SEZ6L: variants seen among roughly 807,000 people sequenced by gnomAD.
The protein encoded by SEZ6L is seizure 6-like protein.
Under a neutral mutation model 106.2 loss-of-function variants are expected in SEZ6L, and 37 were observed. The ratio of observed to expected loss-of-function variants is 0.35; its 90% CI spans 0.27 to 0.46. SEZ6L has a LOEUF of 0.46. Ranked by LOEUF, SEZ6L falls within the 20% of genes least tolerant of loss-of-function variation. The probability of loss-of-function intolerance (pLI) is 1.00; values close to 1 mark genes in which losing one functional copy is unlikely to be tolerated. For synonymous variants in SEZ6L, 541 were observed against 570.4 expected (o/e 0.95, Z 0.73); for missense variants, 1,172 against 1,332.8 (o/e 0.88, Z 1.88).
chr22:26,331,637 G>A (rs1481879685), intron 9 of SEZ6L, among the ~76,000 whole-genome samples: 2 of 152,122 alleles, frequency 1.3e-5, no homozygotes, highest in African/African-American at 4.8e-5. Flanking sequence ...AAAACACAAA[G>A]AACATTCGTT....
chr22:26,343,403 T>C (rs544207952), intron 10 of SEZ6L, among the ~76,000 whole-genome samples: 1 of 152,234 alleles, frequency 6.6e-6, no homozygotes, highest in South Asian at 2.1e-4. Context: ...GTGTTCAGTT[T>C]GGCAATATCT....
At chr22:26,193,234 G>C (rs1007306213) in intron 1 of SEZ6L, among the ~76,000 whole-genome samples, 1 of 152,194 alleles carries the variant, frequency 6.6e-6, no homozygotes, top group African/African-American at 2.4e-5. Flanking sequence ...AATTCTCCAG[G>C]GAGAAAAACT....
intron 6 of SEZ6L, among the ~76,000 whole-genome samples, chr22:26,309,376 G>A (rs998789243): frequency 3.3e-5 from 5 of 152,306 alleles, no homozygotes; most frequent in African/African-American, 9.6e-5. Context: ...TCAGAACGAC[G>A]TTATGGTTGG....
chr22:26,297,583 A>G (rs563584859), intron 4 of SEZ6L, among the ~76,000 whole-genome samples: 28 of 152,326 alleles, frequency 1.8e-4, no homozygotes, highest in African/African-American at 6.7e-4. Flanking sequence ...AATTCAATAT[A>G]TAGATCCACT....
At chr22:26,248,530 A>G (rs940966002) in intron 1 of SEZ6L, among the ~76,000 whole-genome samples, 1 of 152,130 alleles carries the variant, frequency 6.6e-6, no homozygotes, top group Non-Finnish European at 1.5e-5. Flanking sequence ...TGATTGTTGT[A>G]ATGACCTCTT....
intron 1 of SEZ6L, among the ~76,000 whole-genome samples, chr22:26,184,228 T>C (rs996336296): frequency 2.6e-5 from 4 of 152,184 alleles, no homozygotes; most frequent in African/African-American, 7.2e-5. Context: ...TTTGCTATGA[T>C]TGAAACAAGG....
At chr22:26,285,817 T>C (rs1446864949) in intron 1 of SEZ6L, among the ~76,000 whole-genome samples, 1 of 152,244 alleles carries the variant, frequency 6.6e-6, no homozygotes, top group African/African-American at 2.4e-5. Context: ...TGATGTGCTC[T>C]GCTGTGGTTT....
chr22:26,253,740 T>C (rs1034773514), intron 1 of SEZ6L, among the ~76,000 whole-genome samples: 18 of 152,218 alleles, frequency 1.2e-4, no homozygotes, highest in Admixed American at 1.0e-3. Flanking sequence ...GGTGCTTAGG[T>C]TCCTGTGTAT....
intron 9 of SEZ6L, among the ~76,000 whole-genome samples, chr22:26,334,948 C>T (rs954076305): frequency 9.2e-5 from 14 of 152,200 alleles, no homozygotes; most frequent in African/African-American, 3.4e-4. Context: ...GTCAAACTGC[C>T]ATCCCGTTTT....
intron 1 of SEZ6L, among the ~76,000 whole-genome samples, chr22:26,277,980 A>G (rs2080607657): frequency 6.6e-6 from 1 of 152,242 alleles, no homozygotes; most frequent in Non-Finnish European, 1.5e-5. Context: ...AATGCTGGGT[A>G]TCTTAGAAGA....
In SEZ6L at chr22:26,216,998, A is replaced by T. The variant is rs1433219351; in HGVS notation, c.94+47235A>T. 2.6e-5 allele frequency among the ~76,000 whole-genome samples: 4 copies of T among 152,122 alleles called. No homozygotes were observed. The East Asian group carries it at 7.7e-4, about 29-fold the overall frequency. ...GCTCTTAACCACTGGGCTCTCCTGC[A>T]CCCCTGAGGATTAAATGGGAATAAC... On this transcript the variant is annotated intron_variant, in intron 1 of 16. Coordinates refer to ENST00000248933, the MANE Select transcript of SEZ6L (RefSeq NM_021115.5).
intron 10 of SEZ6L, 80 bp from the exon 11 acceptor site, chr22:26,347,639 C>T (rs2083053188): frequency 1.7e-6 from 2 of 1,204,998 alleles, no homozygotes. Flanking sequence ...TCTCTTCGCT[C>T]ATCCCTCTAG....
intron 1 of SEZ6L, among the ~76,000 whole-genome samples, chr22:26,247,757 T>G (rs1342041604): frequency 1.3e-5 from 2 of 152,222 alleles, no homozygotes; most frequent in African/African-American, 4.8e-5. Context: ...TCTCGGAAAC[T>G]AATATACCCT....
chr22:26,232,552 A>G (rs1198973929), intron 1 of SEZ6L, among the ~76,000 whole-genome samples: 1 of 152,174 alleles, frequency 6.6e-6, no homozygotes, highest in Non-Finnish European at 1.5e-5. Context: ...TCACATTATA[A>G]TACCATATTT....
intron 11 of SEZ6L, among the ~76,000 whole-genome samples, chr22:26,348,703 A>AAAGCAAGC (rs1207033331): frequency 1.2e-4 from 5 of 41,484 alleles, no homozygotes; most frequent in East Asian, 1.9e-3. Context: ...AGAAAGAAAG[A>AAAGCAAGC]AGGCAAGGGA....
intron 1 of SEZ6L, among the ~76,000 whole-genome samples, chr22:26,188,642 A>G (rs1204207813): frequency 6.6e-6 from 1 of 152,170 alleles, no homozygotes. Flanking sequence ...GGTATTCGGC[A>G]CTCTGTACTC....
chr22:26,372,660 T>C (rs2084078189), intron 13 of SEZ6L, among the ~76,000 whole-genome samples: 1 of 152,184 alleles, frequency 6.6e-6, no homozygotes, highest in Non-Finnish European at 1.5e-5. Flanking sequence ...ATTCCTGTAA[T>C]AAACATCCAT....
intron 13 of SEZ6L, 84 bp downstream of exon 13, chr22:26,365,650 A>C (rs914743129): frequency 7.6e-7 from 1 of 1,310,318 alleles, no homozygotes; most frequent in Non-Finnish European, 1.0e-6. Context: ...AACTTGCTCT[A>C]AAAAATTGGA....
At chr22:26,187,685 A>T (rs979322882) in intron 1 of SEZ6L, among the ~76,000 whole-genome samples, 2 of 152,162 alleles carry the variant, frequency 1.3e-5, no homozygotes, top group African/African-American at 4.8e-5. Context: ...AATTTGGGCA[A>T]ATGATGATTA....
Sources: gnomAD v4.1 joint callset for allele counts (sites outside exome capture counted in the v4.1 genomes callset) on GRCh38, gnomAD v4.1.1 for gene constraint, MANE v1.5 for transcripts, NCBI Gene and HGNC (gene_info 2026-07-23, HGNC 2026-07-21) for gene names.